The following CWF19L2 variants were observed in gnomAD, a reference collection of about 807,000 sequenced individuals.
CWF19L2 encodes the protein CWF19 like cell cycle control factor 2.
A neutral mutation model predicts 111.7 loss-of-function variants in CWF19L2; 98 were observed. That is an observed-to-expected ratio of 0.88 (90% confidence interval 0.75 to 1.04). The LOEUF (loss-of-function observed/expected upper bound fraction) is 1.04. Among genes scored for constraint, CWF19L2 ranks in the 50% least tolerant of loss-of-function variants. CWF19L2 has a pLI of 0.00. For missense variants in CWF19L2, 1,101 were observed against 1,051.4 expected (o/e 1.05, Z -0.65); for synonymous variants, 351 against 342.9 (o/e 1.02, Z -0.26).
At chr11:107,379,037 C>T (rs1214973759) in intron 12 of CWF19L2, among the ~76,000 whole-genome samples, 1 of 152,090 alleles carries the variant, frequency 6.6e-6, no homozygotes, top group Non-Finnish European at 1.5e-5. Flanking sequence ...ATAGGAAATA[C>T]TGAAAACAAG....
rs1860033541 is a variant in CWF19L2 at position 107,343,395 on chromosome 11, C to G, written c.2202+5542G>C. 1.3e-5 allele frequency among the ~76,000 whole-genome samples: 2 copies of G among 151,978 alleles called. 1 individual carries two copies. The highest frequency in any genetic ancestry group is 4.2e-4 in the South Asian group (2 of 4,810). The stretch of plus-strand genomic sequence containing the variant: ...CTCTTCTTCGGTAATTTCCTCTGCT[C>G]TAACGTCTACTTTATCTGGCATAAA... On this transcript the variant is annotated intron_variant, in intron 14 of 17. Transcript: ENST00000282251.
At chr11:107,351,309 T>C (rs1860153297) in intron 13 of CWF19L2, among the ~76,000 whole-genome samples, 1 of 152,100 alleles carries the variant, frequency 6.6e-6, no homozygotes, top group East Asian at 1.9e-4. Flanking sequence ...GACTCAATAT[T>C]ACTCCAAGGT....
rs1332830230 is a variant in CWF19L2 at position 107,367,036 on chromosome 11, C to G, written c.1873-13300G>C. On this transcript the variant is annotated intron_variant, in intron 12 of 17. Transcript: ENST00000282251. ...GCGCAGGATATGAACAGACACTTCTCAAAAGAAGACATTTATGCAGCCAAA... is the reference window on the plus strand; with the variant it reads ...GCGCAGGATATGAACAGACACTTCTGAAAAGAAGACATTTATGCAGCCAAA... Among the ~76,000 whole-genome samples the G allele has an allele frequency of 2.7e-5, 3 of 112,042 alleles. 1 individual carries two copies. Among genetic ancestry groups the G allele is most frequent in the Non-Finnish European group, 5.7e-5 (3 of 53,062 alleles). The allele number at this position is 112,042 out of a possible 152,430, so 73.5% of individuals were successfully genotyped here.
chr11:107,403,796 A>G lies in CWF19L2; in HGVS notation c.1618-10901T>C. ...CTCAGCTGCAACTTTCTCCATATCC[A>G]CTTCTACTGTCAGACCGCACAACCT... On this transcript the variant is annotated intron_variant, in intron 10 of 17. Transcript: ENST00000282251. The G allele has an allele frequency of 3.5e-6, 3 of 869,560 alleles. 1 individual carries two copies. Among genetic ancestry groups the G allele is most frequent in the South Asian group, 2.6e-5 (2 of 76,058 alleles). 53.9% of individuals were successfully genotyped at this position (869,560 alleles called of 1,614,324 possible). A position where few individuals can be genotyped will look rare whatever the true frequency, so the allele number is the denominator to read the frequency against.
chr11:107,406,154 C>T (rs1363300118), intron 10 of CWF19L2, among the ~76,000 whole-genome samples: 3 of 152,116 alleles, frequency 2.0e-5, no homozygotes, highest in Non-Finnish European at 4.4e-5. Flanking sequence ...TGATTCAAAG[C>T]TACTATTAAA....
At chr11:107,404,178 G>T in intron 10 of CWF19L2, 1 of 776,254 alleles carries the variant, frequency 1.3e-6, no homozygotes, top group South Asian at 1.3e-5. Flanking sequence ...CGTAAGCAAG[G>T]TATGTGGGGG....
chr11:107,442,801 AGGG>A (rs1861645979), intron 4 of CWF19L2, 135 bp downstream of exon 4: 5 of 337,814 alleles, frequency 1.5e-5, no homozygotes, highest in African/African-American at 1.5e-4. Context: ...GAAGGGAGGG[AGGG>A]AGGGAGGGAG....
intron 10 of CWF19L2, among the ~76,000 whole-genome samples, chr11:107,396,155 T>A (rs1007707532): frequency 6.6e-6 from 1 of 152,234 alleles, no homozygotes; most frequent in African/African-American, 2.4e-5. Flanking sequence ...AAGTTCACTC[T>A]ACACAGAAAA....
chr11:107,445,176 C>T (rs534084733), intron 3 of CWF19L2, among the ~76,000 whole-genome samples: 4 of 152,352 alleles, frequency 2.6e-5, no homozygotes, highest in African/African-American at 9.6e-5. Context: ...TGAAGCCTAG[C>T]TGCATTCCTA....
intron 10 of CWF19L2, among the ~76,000 whole-genome samples, chr11:107,397,295 G>T (rs952008738): frequency 2.6e-5 from 4 of 152,090 alleles, no homozygotes; most frequent in African/African-American, 9.7e-5. Flanking sequence ...CTTGCCCTCA[G>T]CCTGGAAACA....
At chr11:107,359,132 A>G (rs937980465) in intron 12 of CWF19L2, among the ~76,000 whole-genome samples, 2 of 152,220 alleles carry the variant, frequency 1.3e-5, no homozygotes, top group Non-Finnish European at 2.9e-5. Context: ...ACTGGGCTAC[A>G]TACACTGCTG....
Position 107,373,510 on chromosome 11 carries a change from G to C in CWF19L2, c.1872+16564C>G, listed in dbSNP as rs189758861. Among the ~76,000 whole-genome samples, 132 of 131,794 alleles carry C rather than the reference G, an allele frequency of 1.0e-3. 21 individuals carry two copies. Among genetic ancestry groups the C allele is most frequent in the African/African-American group, 3.5e-3 (115 of 33,110 alleles). 86.5% of individuals were successfully genotyped at this position (131,794 alleles called of 152,430 possible). A position where few individuals can be genotyped will look rare whatever the true frequency, so the allele number is the denominator to read the frequency against. ...TGGGAGGCACCCCCCAGGAGGGGCAGACTGACACCTCACATGGCTGGGTAC... is the reference window on the plus strand; with the variant it reads ...TGGGAGGCACCCCCCAGGAGGGGCACACTGACACCTCACATGGCTGGGTAC... On this transcript the variant is annotated intron_variant, in intron 12 of 17. Coordinates refer to ENST00000282251, the MANE Select transcript of CWF19L2 (RefSeq NM_152434.3).
In CWF19L2 at chr11:107,329,957, G is replaced by A. The variant is rs759616203; in HGVS notation, c.2502C>T (p.Val834=). The A allele has an allele frequency of 1.3e-6, 2 of 1,592,978 alleles. No individual in the cohort carries two copies. Among genetic ancestry groups the A allele is most frequent in the East Asian group, 2.3e-5 (1 of 44,224 alleles). The change falls in exon 17 of 18, where the codon GTC becomes GTT. Residue 834 remains valine, a synonymous_variant. Coordinates refer to ENST00000282251, the MANE Select transcript of CWF19L2 (RefSeq NM_152434.3). The stretch of plus-strand genomic sequence containing the variant: ...GAGGGAATTTGTGCTGATCTTCAAT[G>A]ACATGGGCAAACCCTCCGTGAAGGC... ...DFGLHGGFAH[V]IEDQHKFPHY...
intron 10 of CWF19L2, chr11:107,404,347 C>CT: frequency 1.3e-6 from 1 of 791,852 alleles, no homozygotes; most frequent in Non-Finnish European, 2.3e-6. Context: ...TTACTTGGTC[C>CT]CAGACCTTTC....
chr11:107,353,488 T>C lies in CWF19L2; in HGVS notation c.2085+36A>G, dbSNP rs768184317. 18 of 1,534,840 alleles carry C rather than the reference T, an allele frequency of 1.2e-5. No individual in the cohort carries two copies. The East Asian group carries it at 2.5e-4, about 21-fold the overall frequency. ...CTATGAAGAAACAAAAAAAGTTCTATGAGAATGTAAGCAAAGGATAATAAA... is the reference window on the plus strand; with the variant it reads ...CTATGAAGAAACAAAAAAAGTTCTACGAGAATGTAAGCAAAGGATAATAAA... On this transcript the variant is annotated intron_variant, in intron 13 of 17. Coordinates refer to ENST00000282251, the MANE Select transcript of CWF19L2 (RefSeq NM_152434.3).
intron 7 of CWF19L2, among the ~76,000 whole-genome samples, chr11:107,430,557 G>T (rs1360493816): frequency 1.3e-5 from 2 of 151,934 alleles, no homozygotes; most frequent in African/African-American, 4.8e-5. Context: ...AATGAATTCG[G>T]GCAAAGATCT....
chr11:107,438,010 A>AC (rs1861566930), intron 6 of CWF19L2, among the ~76,000 whole-genome samples: 1 of 151,850 alleles, frequency 6.6e-6, no homozygotes, highest in African/African-American at 2.4e-5. Flanking sequence ...AAGTTGAAAG[A>AC]AAAAAAAAGA....
chr11:107,417,880 C>T (rs1371857629), intron 9 of CWF19L2, among the ~76,000 whole-genome samples: 4 of 152,072 alleles, frequency 2.6e-5, no homozygotes, highest in African/African-American at 9.7e-5. Flanking sequence ...CTGCCTCAGC[C>T]ACCCCGATAG....
At chr11:107,350,282 C>T (rs1349839633) in intron 13 of CWF19L2, among the ~76,000 whole-genome samples, 1 of 152,088 alleles carries the variant, frequency 6.6e-6, no homozygotes, top group East Asian at 1.9e-4. Flanking sequence ...GGACACAAAT[C>T]CCTACCCATA....
Sources: allele counts gnomAD v4.1 joint callset (sites outside exome capture counted in the v4.1 genomes callset), GRCh38; gene constraint gnomAD v4.1.1; transcripts MANE v1.5; gene names NCBI Gene and HGNC (gene_info 2026-07-23, HGNC 2026-07-21).